Variants in ARHGEF11 observed in about 807,000 individuals in gnomAD.
ARHGEF11 encodes Rho guanine exchange factor (GEF) 11.
Under a neutral mutation model 193.7 loss-of-function variants are expected in ARHGEF11, and 55 were observed. The ratio of observed to expected loss-of-function variants is 0.28; its 90% confidence interval spans 0.23 to 0.36. The LOEUF (loss-of-function observed/expected upper bound fraction) is 0.36. ARHGEF11 is among the 10% of genes least tolerant of loss of function. The pLI is 1.00. For missense variants in ARHGEF11, 1,723 were observed against 2,005.6 expected, an observed-to-expected ratio of 0.86 and a Z score of 2.69; for synonymous variants, 693 against 768.0, an observed-to-expected ratio of 0.90 and a Z score of 1.62.
intron 8 of ARHGEF11, 111 bp from the exon 9 acceptor site, chr1:156,970,154 C>T (rs1407962313): frequency 1.1e-6 from 1 of 875,092 alleles, no homozygotes; most frequent in Non-Finnish European, 1.8e-6. Context: ...TCTTCCGCTT[C>T]ATTGCCTCAA....
intron 29 of ARHGEF11, chr1:156,945,733 G>A (rs1441711521): frequency 3.1e-6 from 1 of 324,372 alleles, no homozygotes; most frequent in Non-Finnish European, 5.8e-6. Context: ...CCAGCCCCAT[G>A]CAACCAGAGG....
Position 156,946,763 on chromosome 1 carries a change from G to A in ARHGEF11, c.2593C>T (p.Leu865Phe). The A allele has an allele frequency of 6.2e-7, 1 of 1,614,218 alleles. No individual in the cohort carries two copies. Among genetic ancestry groups the A allele is most frequent in the Non-Finnish European group, 8.5e-7 (1 of 1,180,042 alleles). The change falls in exon 28 of 41, where the codon CTC becomes TTC. Residue 865 changes from leucine to phenylalanine, a missense_variant. By Grantham distance (22) the Leu-to-Phe change is conservative (BLOSUM62 0). This residue lies in a region of ARHGEF11 where 491 missense variants were observed against 654.5 expected (regional missense o/e 0.75). Transcript: ENST00000368194. ...ARFDGPAREE[L>F]QQVAAQFCSY... ...CAGAACTGTGCAGCCACTTGCTGGA[G>A]TTCCTCTCGGGCAGGGCCATCAAAC...
intron 1 of ARHGEF11, among the ~76,000 whole-genome samples, chr1:156,994,647 G>A (rs1230713485): frequency 6.6e-6 from 1 of 152,156 alleles, no homozygotes; most frequent in Admixed American, 6.5e-5. Flanking sequence ...GAGAACTCGT[G>A]TGTTGAGAAG....
intron 8 of ARHGEF11, among the ~76,000 whole-genome samples, chr1:156,970,875 C>A (rs1054844422): frequency 1.3e-5 from 2 of 152,198 alleles, no homozygotes; most frequent in South Asian, 2.1e-4. Flanking sequence ...GGATTTGAAT[C>A]CAGATGGTCT....
rs776238095 is a variant in ARHGEF11, at chr1:156,978,369, G to A, written c.345C>T (p.Val115=). The change falls in exon 6 of 41, where the codon GTC becomes GTT. Residue 115 remains valine, a synonymous_variant. Transcript: ENST00000368194. ...VVKLIKSGAY[V]ALTLLGSSPS... is the part of the protein sequence containing the mutation. ...GTGAAGAGCCCAGGAGGGTGAGTGC[G>A]ACATAGGCGCCAGCTAGAGGGAAAC... The A allele has an allele frequency of 1.6e-5, 25 of 1,601,856 alleles. No individual in the cohort carries two copies. The highest frequency in any genetic ancestry group is 2.0e-5 in the Non-Finnish European group (24 of 1,173,914).
At position 156,939,637 on chromosome 1, in the gene ARHGEF11, C is replaced by T; in HGVS notation, c.4007G>A (p.Gly1336Glu). The change falls in exon 37 of 41, where the codon GGG (glycine) becomes GAG (glutamate). Residue 1336 changes from glycine (G) to glutamate (E), a missense_variant. Gly to Glu is a moderately conservative substitution (Grantham distance 98). Coordinates refer to ENST00000368194, the MANE Select transcript of ARHGEF11 (RefSeq NM_198236.3). ...GTCCAGTTCTGGAGACTCCCATATCCCAGAATTTCTGGTCCTTGGGGGTAG... is the reference window on the plus strand; with the variant it reads ...GTCCAGTTCTGGAGACTCCCATATCTCAGAATTTCTGGTCCTTGGGGGTAG... The part of the protein sequence containing the change: ...EHLPPRTRNS[G>E]IWESPELDRN... The T allele has an allele frequency of 6.2e-7, 1 of 1,613,856 alleles. No individual in the cohort carries two copies. The highest frequency in any genetic ancestry group is 2.2e-5 in the East Asian group (1 of 44,878).
intron 1 of ARHGEF11, among the ~76,000 whole-genome samples, chr1:157,036,206 C>CAT (rs34256003): frequency 1.4e-5 from 2 of 140,440 alleles, no homozygotes; most frequent in African/African-American, 5.5e-5. Context: ...AATATATATA[C>CAT]ATATATATAT....
rs373529045 is a variant in ARHGEF11, at chr1:156,959,078, C to A, written c.1347G>T (p.Met449Ile). 1.4e-5 allele frequency: 23 copies of A among 1,614,126 alleles called. No homozygotes were observed. The highest frequency in any genetic ancestry group is 1.4e-5 in the Non-Finnish European group (17 of 1,180,044). ...GVLCEAQEAA[M>I]PEIQEQIHDY... is the part of the protein sequence containing the mutation. ...CGTGGATCTGCTCTTGGATCTCAGG[C>A]ATGGCTGCCTCTTGAGCTTCACAGA... The change falls in exon 16 of 41, where the codon ATG becomes ATT. Residue 449 changes from methionine (M) to isoleucine (I), a missense_variant. Coordinates refer to ENST00000368194, the MANE Select transcript of ARHGEF11 (RefSeq NM_198236.3).
Position 156,948,663 on chromosome 1 carries a change from G to A in ARHGEF11, c.1926-165C>T. The A allele has an allele frequency of 1.9e-6, 3 of 1,544,596 alleles. No homozygotes were observed. Among genetic ancestry groups the A allele is most frequent in the Non-Finnish European group, 2.6e-6 (3 of 1,150,618 alleles). ...TGGATGGCAGTGGAAGCTTCTCAAT[G>A]ACAGACTATTTTTGCTGCTCTACAA... On this transcript the variant is annotated intron_variant, in intron 22 of 40. Coordinates refer to ENST00000368194, the MANE Select transcript of ARHGEF11 (RefSeq NM_198236.3). This position sits in a 1 kb window ranked among gnomAD's most constrained non-coding sequence, Gnocchi z 4.2.
intron 31 of ARHGEF11, 40 bp downstream of exon 31, chr1:156,944,318 A>G: frequency 6.2e-7 from 1 of 1,603,424 alleles, no homozygotes; most frequent in Non-Finnish European, 8.5e-7. Flanking sequence ...AGGCCCACCC[A>G]CTACAGGTTC....
At chr1:156,993,832 A>G (rs916396842) in intron 1 of ARHGEF11, among the ~76,000 whole-genome samples, 5 of 152,208 alleles carry the variant, frequency 3.3e-5, no homozygotes, top group Non-Finnish European at 5.9e-5. Context: ...CTGCTGATCT[A>G]TAAGCATCAG....
intron 1 of ARHGEF11, among the ~76,000 whole-genome samples, chr1:157,003,887 T>A (rs1667497702): frequency 6.6e-6 from 1 of 152,200 alleles, no homozygotes; most frequent in African/African-American, 2.4e-5. Flanking sequence ...GATTAAATGG[T>A]AGAATTCATT....
At position 157,007,919 on chromosome 1, in the gene ARHGEF11, T is replaced by G. The variant is rs6666969; in HGVS notation, c.33-21746A>C. 2.0e-3 allele frequency among the ~76,000 whole-genome samples: 249 copies of G among 126,164 alleles called. 1 individual carries two copies. Among genetic ancestry groups the G allele is most frequent in the Middle Eastern group, 3.8e-3 (1 of 264 alleles). The allele number at this position is 126,164 out of a possible 152,430, so 82.8% of individuals were successfully genotyped here. On this transcript the variant is annotated intron_variant, in intron 1 of 40. Transcript: ENST00000368194. ...CAAAGGTTTTTTTTTTTTTGTTTTT[T>G]TTTTTTTTGTCTCTTTTGTTCTCTG...
chr1:157,023,000 A>G (rs1670183209), intron 1 of ARHGEF11, among the ~76,000 whole-genome samples: 1 of 152,222 alleles, frequency 6.6e-6, no homozygotes, highest in African/African-American at 2.4e-5. Context: ...ATAAAAATTA[A>G]CTCAAAATGG....
chr1:156,935,952 G>C lies in ARHGEF11; in HGVS notation c.*48C>G, dbSNP rs1390700435. ...TACCCTGTGCCCCGGTCTCAGGCCAGTCCCTGAAGGAGGAGTGGGGACGCA... is the reference window on the plus strand; with the variant it reads ...TACCCTGTGCCCCGGTCTCAGGCCACTCCCTGAAGGAGGAGTGGGGACGCA... On this transcript the variant is annotated 3_prime_UTR_variant, in exon 41 of 41. Coordinates refer to ENST00000368194, the MANE Select transcript of ARHGEF11 (RefSeq NM_198236.3). The C allele has an allele frequency of 1.3e-6, 2 of 1,582,442 alleles. No individual in the cohort carries two copies. Among genetic ancestry groups the C allele is most frequent in the East Asian group, 2.2e-5 (1 of 44,548 alleles).
intron 13 of ARHGEF11, among the ~76,000 whole-genome samples, chr1:156,962,230 T>C (rs1344708130): frequency 6.6e-6 from 1 of 152,218 alleles, no homozygotes; most frequent in Non-Finnish European, 1.5e-5. Context: ...CACTTGGACA[T>C]GCACACAGGT....
chr1:156,973,729 C>G (rs1662854255), intron 7 of ARHGEF11, among the ~76,000 whole-genome samples: 1 of 152,214 alleles, frequency 6.6e-6, no homozygotes. Flanking sequence ...GACACACAAA[C>G]TTGGAGCCAT....
At chr1:157,035,401 C>CTT (rs113951875) in intron 1 of ARHGEF11, among the ~76,000 whole-genome samples, 7 of 142,568 alleles carry the variant, frequency 4.9e-5, no homozygotes, top group African/African-American at 7.7e-5. Context: ...TCACAAAATG[C>CTT]TTTTTTTTTT....
At position 156,991,795 on chromosome 1, in the gene ARHGEF11, C is replaced by T. The variant is rs1321630571; in HGVS notation, c.33-5622G>A. ...GCAGTGGCGGGATCTCGGCTCACTGCAAGCTCCGCCTCCCGGGTTCACGCC... is the reference window on the plus strand; with the variant it reads ...GCAGTGGCGGGATCTCGGCTCACTGTAAGCTCCGCCTCCCGGGTTCACGCC... On this transcript the variant is annotated intron_variant, in intron 1 of 40. Coordinates refer to ENST00000368194, the MANE Select transcript of ARHGEF11 (RefSeq NM_198236.3). Among the ~76,000 whole-genome samples, 3 of 135,774 alleles carry T rather than the reference C, an allele frequency of 2.2e-5. No homozygotes were observed. The Admixed American group carries it at 2.4e-4, about 11-fold the overall frequency. The allele number at this position is 135,774 out of a possible 152,430, so 89.1% of individuals were successfully genotyped here. A position where few individuals can be genotyped will look rare whatever the true frequency, so the allele number is the denominator to read the frequency against.
Sources: allele counts gnomAD v4.1 joint callset (sites outside exome capture counted in the v4.1 genomes callset), GRCh38; gene constraint gnomAD v4.1.1; regional missense constraint gnomAD v4.1.1; non-coding constraint Gnocchi (gnomAD v3.1); transcripts MANE v1.5; gene names NCBI Gene and HGNC (gene_info 2026-07-23, HGNC 2026-07-21).